The following ENTPD5 variants were observed in gnomAD, a reference collection of about 807,000 sequenced individuals.
The protein encoded by ENTPD5 is nucleoside diphosphate phosphatase ENTPD5.
In ENTPD5, 49 loss-of-function variants were observed where a neutral mutation model predicts 60.2. The ratio of observed to expected loss-of-function variants is 0.81; its 90% confidence interval spans 0.65 to 1.03. The LOEUF is 1.03. Among genes scored for constraint, ENTPD5 ranks in the 50% least tolerant of loss-of-function variants. The pLI, the probability that ENTPD5 is intolerant of heterozygous loss-of-function variation, is 0.00. For missense variants in ENTPD5, 480 were observed against 507.6 expected (o/e 0.95, Z 0.52); for synonymous variants, 187 against 185.4 (o/e 1.01, Z -0.07).
chr14:74,003,323 A>G, intron 3 of ENTPD5: 1 of 471,814 alleles, frequency 2.1e-6, no homozygotes, highest in South Asian at 1.8e-5. Flanking sequence ...GTGGAATTCA[A>G]TAAAAACTGA....
intron 2 of ENTPD5, among the ~76,000 whole-genome samples, chr14:74,013,204 T>C (rs1486898115): frequency 6.6e-6 from 1 of 152,218 alleles, no homozygotes; most frequent in East Asian, 1.9e-4. Flanking sequence ...GACCACACTT[T>C]AGGAACCAAT....
chr14:74,015,364 C>G (rs2058986593), intron 2 of ENTPD5, among the ~76,000 whole-genome samples: 1 of 95,468 alleles, frequency 1.0e-5, no homozygotes, highest in Non-Finnish European at 1.9e-5. Flanking sequence ...CCCCCGCCCC[C>G]CCTTTTTTTT....
At chr14:74,012,874 A>G (rs939725123) in intron 2 of ENTPD5, among the ~76,000 whole-genome samples, 1 of 152,224 alleles carries the variant, frequency 6.6e-6, no homozygotes, top group Non-Finnish European at 1.5e-5. Context: ...AACACATTCT[A>G]TGAGCCAAGT....
At chr14:74,018,780 G>C (rs1324812907) in intron 1 of ENTPD5, 5 of 152,270 alleles carry the variant, frequency 3.3e-5, no homozygotes, top group African/African-American at 1.2e-4. Context: ...TTCGGAGGCT[G>C]GCAGCCTCGC....
intron 2 of ENTPD5, among the ~76,000 whole-genome samples, chr14:74,012,472 AT>A (rs1167524122): frequency 6.6e-6 from 1 of 152,182 alleles, no homozygotes; most frequent in African/African-American, 2.4e-5. Flanking sequence ...TGTTTAATTA[AT>A]GTTTGTTAAA....
In ENTPD5 at chr14:73,972,998, C is replaced by T. The variant is rs756587767; in HGVS notation, c.913G>A (p.Ala305Thr). ...EGEVGFEPCYAEVLRVVRGKL... is the reference protein window; with the variant it reads ...EGEVGFEPCYTEVLRVVRGKL... ...CCTCGTACCACCCTCAGCACTTCGG[C>T]ATAGCAGGGCTCAAAGCCCACCTCC... Residue 305 changes from alanine (A) to threonine (T), a missense_variant, in exon 13 of 16, where the codon GCC becomes ACC. Ala to Thr is a moderately conservative substitution (Grantham distance 58, BLOSUM62 0). Transcript: ENST00000334696. 5 of 1,614,082 alleles carry T rather than the reference C, an allele frequency of 3.1e-6. No individual in the cohort carries two copies. The African/African-American group carries it at 4.0e-5, about 13-fold the overall frequency.
chr14:73,973,263 C>A (rs1164036564), intron 12 of ENTPD5, among the ~76,000 whole-genome samples: 2 of 152,242 alleles, frequency 1.3e-5, no homozygotes, highest in Non-Finnish European at 2.9e-5. Context: ...TCATGGCCAA[C>A]CTTGTGCTGC....
Position 74,013,297 on chromosome 14 carries a change from C to A in ENTPD5, c.-130-2147G>T, listed in dbSNP as rs183411509. Among the ~76,000 whole-genome samples, 762 of 152,290 alleles carry A rather than the reference C, an allele frequency of 5.0e-3. 3 individuals carry two copies. Among genetic ancestry groups the A allele is most frequent in the Non-Finnish European group, 5.0e-3 (342 of 68,024 alleles). ...TAACTTCCCAGAGGAACTTCCCTCT[C>A]CTTTCAGTCCATCTCCTTCTATAAA... On this transcript the variant is annotated intron_variant, in intron 2 of 15. Coordinates refer to ENST00000334696, the MANE Select transcript of ENTPD5 (RefSeq NM_001249.5).
intron 6 of ENTPD5, 55 bp from the exon 7 acceptor site, chr14:73,977,429 T>A: frequency 7.6e-7 from 1 of 1,323,188 alleles, no homozygotes; most frequent in Non-Finnish European, 1.1e-6. Flanking sequence ...TAAAATAGAT[T>A]TCCATATTTT....
chr14:73,982,948 G>A, intron 6 of ENTPD5, 70 bp downstream of exon 6: 1 of 1,519,936 alleles, frequency 6.6e-7, no homozygotes, highest in Non-Finnish European at 9.0e-7. Flanking sequence ...ATTCCAAAAG[G>A]CTAAAAACTC....
intron 8 of ENTPD5, among the ~76,000 whole-genome samples, 167 bp from the exon 9 acceptor site, chr14:73,976,579 G>T (rs552785339): frequency 1.3e-5 from 2 of 152,206 alleles, no homozygotes; most frequent in East Asian, 3.9e-4. Context: ...TTGCAGCAGA[G>T]GCCTTCAAGG....
chr14:73,959,124 G>A (rs369688769), downstream of ENTPD5: 39 of 1,614,050 alleles, frequency 2.4e-5, no homozygotes, highest in Middle Eastern at 4.9e-4. Flanking sequence ...ATAGGCACTA[G>A]GTACTTCACA....
At chr14:73,987,845 G>T (rs201248774) in intron 4 of ENTPD5, 41 bp downstream of exon 4, 17 of 1,584,814 alleles carry the variant, frequency 1.1e-5, no homozygotes, top group Non-Finnish European at 1.5e-5. Context: ...ATGCTAAAGT[G>T]TGGATTTACA....
intron 5 of ENTPD5, among the ~76,000 whole-genome samples, chr14:73,985,462 T>C (rs1176217858): frequency 6.6e-6 from 1 of 152,202 alleles, no homozygotes; most frequent in African/African-American, 2.4e-5. Flanking sequence ...TGTCTCATTG[T>C]GGTTTTGATT....
intron 3 of ENTPD5, among the ~76,000 whole-genome samples, chr14:73,998,967 G>A (rs1187414526): frequency 6.6e-6 from 1 of 152,096 alleles, no homozygotes; most frequent in Non-Finnish European, 1.5e-5. Context: ...TATTGAACTA[G>A]GGAGTATCCA....
downstream of ENTPD5, chr14:73,958,549 C>G: frequency 7.6e-7 from 1 of 1,312,710 alleles, no homozygotes; most frequent in Non-Finnish European, 9.8e-7. Context: ...GGAGGCTGTT[C>G]TTTCCCTCTG....
At chr14:73,977,191 T>C in intron 7 of ENTPD5, 108 bp downstream of exon 7, 1 of 1,225,656 alleles carries the variant, frequency 8.2e-7, no homozygotes, top group Non-Finnish European at 1.2e-6. Flanking sequence ...GTCTTCTATT[T>C]CCTGCTATCT....
intron 3 of ENTPD5, among the ~76,000 whole-genome samples, chr14:74,003,002 A>G (rs953083924): frequency 5.9e-5 from 9 of 152,152 alleles, no homozygotes; most frequent in Non-Finnish European, 8.8e-5. Context: ...CTGCCTAGAA[A>G]TTCTTTTCCT....
chr14:73,994,256 G>A (rs1317862935), intron 3 of ENTPD5, among the ~76,000 whole-genome samples: 3 of 151,834 alleles, frequency 2.0e-5, no homozygotes, highest in Admixed American at 2.0e-4. Context: ...CTCCCTAGAA[G>A]CTAGGATTAC....
Sources: allele counts gnomAD v4.1 joint callset (sites outside exome capture counted in the v4.1 genomes callset), GRCh38; gene constraint gnomAD v4.1.1; transcripts MANE v1.5; gene names NCBI Gene and HGNC (gene_info 2026-07-23, HGNC 2026-07-21).